Variants in SYCP1 observed in about 807,000 individuals in gnomAD.
SYCP1 encodes the protein cancer/testis antigen 8.
Under a neutral mutation model 153.1 loss-of-function variants are expected in SYCP1, and 64 were observed. That is an observed-to-expected ratio of 0.42 (90% CI 0.34 to 0.51). The LOEUF is 0.51. Among genes scored for constraint, SYCP1 ranks in the 20% least tolerant of loss-of-function variants. The pLI is 0.06. For missense variants in SYCP1, 997 were observed against 1,049.0 expected, an observed-to-expected ratio of 0.95 and a Z score of 0.68; for synonymous variants, 384 against 341.8, an observed-to-expected ratio of 1.12 and a Z score of -1.36.
At chr1:114,926,630 C>A (rs911134060) in intron 23 of SYCP1, 67 bp downstream of exon 23, 1 of 1,320,804 alleles carries the variant, frequency 7.6e-7, no homozygotes, top group Non-Finnish European at 1.0e-6. Context: ...ACATTTTATT[C>A]CACTTGTTTA....
chr1:114,963,534 C>T (rs1389530660), intron 27 of SYCP1, among the ~76,000 whole-genome samples: 4 of 152,116 alleles, frequency 2.6e-5, no homozygotes, highest in African/African-American at 9.7e-5. Flanking sequence ...TGCCCCCAAC[C>T]CCTGACAGAC....
At chr1:114,983,498 C>T (rs1388109868) in intron 29 of SYCP1, among the ~76,000 whole-genome samples, 2 of 151,928 alleles carry the variant, frequency 1.3e-5, no homozygotes, top group Non-Finnish European at 2.9e-5. Context: ...TGGGATCTTG[C>T]AGAGACTCAC....
intron 27 of SYCP1, among the ~76,000 whole-genome samples, chr1:114,955,434 C>T (rs746173787): frequency 4.6e-5 from 7 of 152,130 alleles, no homozygotes; most frequent in Non-Finnish European, 5.9e-5. Context: ...AAGTGTTTTC[C>T]TTGCTTCTGT....
chr1:114,966,697 T>G (rs1557839292), intron 27 of SYCP1, among the ~76,000 whole-genome samples: 1 of 151,700 alleles, frequency 6.6e-6, no homozygotes, highest in African/African-American at 2.4e-5. Context: ...TTCTTTTTTT[T>G]TTTTTTAGAT....
Position 114,910,671 on chromosome 1 carries a change from C to T in SYCP1, c.1425+170C>T, listed in dbSNP as rs576943504. ...TTGATTTAAAACACATCTAGACAAC[C>T]CCCATATTATAATGTGAGAAAGATC... On this transcript the variant is annotated intron_variant, in intron 17 of 31. Transcript: ENST00000369522. Among the ~76,000 whole-genome samples the T allele has an allele frequency of 2.0e-5, 3 of 152,162 alleles. No individual in the cohort carries two copies. The East Asian group carries it at 5.8e-4, about 29-fold the overall frequency.
At chr1:114,885,075 G>A (rs1666201591) in intron 12 of SYCP1, among the ~76,000 whole-genome samples, 1 of 152,082 alleles carries the variant, frequency 6.6e-6, no homozygotes, top group Admixed American at 6.6e-5. Context: ...ACCATCGGGA[G>A]ATAAATTACT....
At chr1:114,872,031 G>A (rs1364328850) in intron 8 of SYCP1, among the ~76,000 whole-genome samples, 1 of 127,806 alleles carries the variant, frequency 7.8e-6, no homozygotes, top group African/African-American at 2.8e-5. Context: ...TGGCAGAGAT[G>A]GGGTCTTGCT....
chr1:114,942,320 A>G (rs1670440535), intron 23 of SYCP1, among the ~76,000 whole-genome samples: 1 of 152,024 alleles, frequency 6.6e-6, no homozygotes, highest in South Asian at 2.1e-4. Context: ...TGTTGGAGAA[A>G]TAAGGATAAT....
chr1:114,933,222 A>C (rs1264605959), intron 23 of SYCP1, among the ~76,000 whole-genome samples: 1 of 152,176 alleles, frequency 6.6e-6, no homozygotes, highest in African/African-American at 2.4e-5. Flanking sequence ...TCAGGCAGCA[A>C]CATTTGCTGT....
intron 27 of SYCP1, among the ~76,000 whole-genome samples, chr1:114,975,635 G>T (rs1264556101): frequency 6.6e-6 from 1 of 151,478 alleles, no homozygotes; most frequent in East Asian, 1.9e-4. Context: ...CAGTCAATAT[G>T]ACAATCCCCA....
At chr1:114,889,357 A>G (rs1328666786) in intron 15 of SYCP1, among the ~76,000 whole-genome samples, 1 of 152,138 alleles carries the variant, frequency 6.6e-6, no homozygotes, top group Non-Finnish European at 1.5e-5. Context: ...CATCCTCTCC[A>G]GCATCTGTTG....
intron 27 of SYCP1, among the ~76,000 whole-genome samples, chr1:114,957,956 T>C (rs1327233297): frequency 6.6e-6 from 1 of 152,090 alleles, no homozygotes; most frequent in Non-Finnish European, 1.5e-5. Context: ...AGAAAGGAAA[T>C]CAGCATATTG....
At chr1:114,952,342 GTTA>G (rs1671161159) in intron 27 of SYCP1, among the ~76,000 whole-genome samples, 1 of 152,044 alleles carries the variant, frequency 6.6e-6, no homozygotes, top group Non-Finnish European at 1.5e-5. Context: ...TTTTATTTTA[GTTA>G]TTCCTGTAGG....
intron 27 of SYCP1, among the ~76,000 whole-genome samples, chr1:114,957,570 A>G (rs1034868197): frequency 4.6e-5 from 7 of 152,214 alleles, no homozygotes; most frequent in Non-Finnish European, 7.3e-5. Context: ...ACCAGAATAT[A>G]TAAGAAACTC....
Position 114,857,721 on chromosome 1 carries a change from C to T in SYCP1, c.291+224C>T, listed in dbSNP as rs185059055. On this transcript the variant is annotated intron_variant, in intron 5 of 31. Transcript: ENST00000369522. ...ACCATGAAATCAAGAAGAGGGGAAACGAGTACTATACCTGAAAAGTATATT... is the reference window on the plus strand; with the variant it reads ...ACCATGAAATCAAGAAGAGGGGAAATGAGTACTATACCTGAAAAGTATATT... 6.6e-5 allele frequency among the ~76,000 whole-genome samples: 10 copies of T among 152,020 alleles called. No homozygotes were observed. The East Asian group carries it at 1.2e-3, about 18-fold the overall frequency.
chr1:114,927,926 TCCTCCTACCTCAG>T (rs779395260), intron 23 of SYCP1, among the ~76,000 whole-genome samples: 5 of 152,072 alleles, frequency 3.3e-5, no homozygotes, highest in African/African-American at 4.8e-5. Context: ...ACTCAGGTGA[TCCTCCTACCTCAG>T]CCTCCTGAGT....
chr1:114,974,154 C>G (rs965281870), intron 27 of SYCP1, among the ~76,000 whole-genome samples: 3 of 151,458 alleles, frequency 2.0e-5, no homozygotes, highest in Non-Finnish European at 4.4e-5. Flanking sequence ...GACTAATAGG[C>G]TAGTTTTCCT....
At chr1:114,900,369 C>T (rs985246422) in intron 16 of SYCP1, among the ~76,000 whole-genome samples, 1 of 152,108 alleles carries the variant, frequency 6.6e-6, no homozygotes, top group Non-Finnish European at 1.5e-5. Flanking sequence ...CAACCTCTGC[C>T]TCCCAGGTTC....
At chr1:114,994,187 T>C (rs894111947) in intron 30 of SYCP1, among the ~76,000 whole-genome samples, 7 of 151,544 alleles carry the variant, frequency 4.6e-5, no homozygotes, top group Admixed American at 4.0e-4. Flanking sequence ...TTAACATGGG[T>C]GTACAATTAT....
Sources: allele counts gnomAD v4.1 joint callset (sites outside exome capture counted in the v4.1 genomes callset), GRCh38; gene constraint gnomAD v4.1.1; transcripts MANE v1.5; gene names NCBI Gene and HGNC (gene_info 2026-07-23, HGNC 2026-07-21).